Variants in TLL1 observed in about 807,000 individuals in gnomAD.
TLL1 encodes the protein tolloid-like protein 1.
In TLL1, 49 loss-of-function variants were observed where a neutral mutation model predicts 128.2. That is an observed-to-expected ratio of 0.38 (90% CI 0.30 to 0.48). The LOEUF (loss-of-function observed/expected upper bound fraction) is 0.48, where lower values mean the gene tolerates loss of function less well. Ranked by LOEUF, TLL1 falls within the 20% of genes least tolerant of loss-of-function variation. The pLI is 0.96. For missense variants in TLL1, 1,123 were observed against 1,242.0 expected (o/e 0.90, Z 1.44); for synonymous variants, 454 against 418.8 (o/e 1.08, Z -1.03).
chr4:166,036,924 T>G (rs951172785), intron 9 of TLL1, among the ~76,000 whole-genome samples: 6 of 152,032 alleles, frequency 3.9e-5, no homozygotes, highest in Non-Finnish European at 8.8e-5. Flanking sequence ...TAATTTAGCT[T>G]TATTTTTTTT....
At chr4:166,097,121 T>C (rs970726982) in intron 19 of TLL1, among the ~76,000 whole-genome samples, 15 of 152,068 alleles carry the variant, frequency 9.9e-5, no homozygotes, top group African/African-American at 3.6e-4. Flanking sequence ...TGATTCCCTT[T>C]TTAGAAAAGA....
At chr4:165,970,861 C>T (rs545584949) in intron 1 of TLL1, among the ~76,000 whole-genome samples, 5 of 152,194 alleles carry the variant, frequency 3.3e-5, no homozygotes, top group African/African-American at 9.6e-5. Flanking sequence ...TGAGTCTTGT[C>T]CCAGGTTTGA....
intron 12 of TLL1, among the ~76,000 whole-genome samples, chr4:166,053,701 T>C (rs185586389): frequency 5.3e-5 from 8 of 152,310 alleles, no homozygotes; most frequent in East Asian, 3.9e-4. Context: ...TGCAGTTCCA[T>C]GGACATTCCC....
chr4:166,024,696 G>T (rs1488866358), intron 8 of TLL1, among the ~76,000 whole-genome samples: 4 of 151,824 alleles, frequency 2.6e-5, no homozygotes, highest in Non-Finnish European at 5.9e-5. Context: ...TACACAAATT[G>T]CTTTTTTAGC....
chr4:165,995,602 A>G (rs1736840623), intron 5 of TLL1, among the ~76,000 whole-genome samples: 1 of 152,214 alleles, frequency 6.6e-6, no homozygotes, highest in African/African-American at 2.4e-5. Flanking sequence ...TGGTCTGTTT[A>G]TACATCATTA....
Position 166,055,072 on chromosome 4 carries a change from G to T in TLL1, c.1525-4G>T. On this transcript the variant is annotated splice_polypyrimidine_tract_variant and splice_region_variant and intron_variant, in intron 12 of 20. Coordinates refer to ENST00000061240, the MANE Select transcript of TLL1 (RefSeq NM_012464.5). ...ATATTTTCACATATTTTTTTCTGTT[G>T]CAGATTGAAAGACATGACAATTGTG... 1 of 1,605,642 alleles carries T rather than the reference G, an allele frequency of 6.2e-7. No individual in the cohort carries two copies. Among genetic ancestry groups the T allele is most frequent in the South Asian group, 1.1e-5 (1 of 89,204 alleles).
chr4:165,914,216 T>C (rs1732676092), intron 1 of TLL1, among the ~76,000 whole-genome samples: 1 of 152,164 alleles, frequency 6.6e-6, no homozygotes, highest in African/African-American at 2.4e-5. Flanking sequence ...GTGAAAAATA[T>C]TCTTATGGTT....
At chr4:165,963,340 A>G (rs916714507) in intron 1 of TLL1, among the ~76,000 whole-genome samples, 1 of 152,126 alleles carries the variant, frequency 6.6e-6, no homozygotes, top group Non-Finnish European at 1.5e-5. Context: ...AGTTGAACAA[A>G]AAAAGAAAAG....
intron 1 of TLL1, among the ~76,000 whole-genome samples, chr4:165,911,907 G>C (rs181333828): frequency 2.0e-5 from 3 of 152,100 alleles, no homozygotes; most frequent in Admixed American, 2.0e-4. Context: ...ACAGAGTCTC[G>C]CTCTGTCGCC....
At chr4:165,954,113 TG>T (rs1256860046) in intron 1 of TLL1, among the ~76,000 whole-genome samples, 4 of 152,280 alleles carry the variant, frequency 2.6e-5, no homozygotes, top group African/African-American at 9.6e-5. Flanking sequence ...AAATAATGGC[TG>T]GCTTCATTCA....
chr4:165,884,895 T>C (rs537222849), intron 1 of TLL1, among the ~76,000 whole-genome samples: 39 of 152,260 alleles, frequency 2.6e-4, no homozygotes, highest in African/African-American at 8.7e-4. Flanking sequence ...GTTTCTTGTT[T>C]TCTCCCACAT....
chr4:165,956,225 C>T (rs1847275), intron 1 of TLL1, among the ~76,000 whole-genome samples: 88,593 of 151,810 alleles, frequency 0.58, 27,617 homozygotes, highest in Admixed American at 0.71. Context: ...CACGTATTGT[C>T]TTGATAAACA....
intron 1 of TLL1, among the ~76,000 whole-genome samples, chr4:165,955,394 C>T (rs1173936607): frequency 6.6e-6 from 1 of 151,926 alleles, no homozygotes; most frequent in Non-Finnish European, 1.5e-5. Flanking sequence ...GAAAATTTCC[C>T]TAGTCTCACT....
At chr4:165,892,875 T>G (rs922322124) in intron 1 of TLL1, among the ~76,000 whole-genome samples, 1 of 152,204 alleles carries the variant, frequency 6.6e-6, no homozygotes, top group African/African-American at 2.4e-5. Context: ...GTTACAGAGT[T>G]TTTTTTCTGT....
intron 1 of TLL1, among the ~76,000 whole-genome samples, chr4:165,982,547 C>G (rs1051346014): frequency 6.7e-6 from 1 of 148,314 alleles, no homozygotes; most frequent in Admixed American, 6.6e-5. Context: ...GAAAGGACTC[C>G]GGACTTTGAT....
chr4:166,047,784 T>C (rs866708273), intron 12 of TLL1, among the ~76,000 whole-genome samples: 17 of 152,278 alleles, frequency 1.1e-4, no homozygotes, highest in Middle Eastern at 6.8e-3. Context: ...CCTCTGTAAT[T>C]ATACCATTTG....
At chr4:165,922,049 A>G (rs959235473) in intron 1 of TLL1, among the ~76,000 whole-genome samples, 8 of 152,276 alleles carry the variant, frequency 5.3e-5, no homozygotes, top group Non-Finnish European at 1.0e-4. Flanking sequence ...AACTGATTTT[A>G]CCAGGATTGC....
chr4:166,003,714 CATG>C (rs1324210827), intron 6 of TLL1, 145 bp downstream of exon 6: 1 of 832,360 alleles, frequency 1.2e-6, no homozygotes. Context: ...AAAAATCACC[CATG>C]ATGATTTTAT....
At chr4:165,893,350 T>C (rs895585758) in intron 1 of TLL1, among the ~76,000 whole-genome samples, 7 of 152,258 alleles carry the variant, frequency 4.6e-5, no homozygotes, top group East Asian at 1.9e-4. Flanking sequence ...TGCTGGGAGA[T>C]GGAAAAGAAA....
Sources: allele counts gnomAD v4.1 joint callset (sites outside exome capture counted in the v4.1 genomes callset), GRCh38; gene constraint gnomAD v4.1.1; transcripts MANE v1.5; gene names NCBI Gene and HGNC (gene_info 2026-07-23, HGNC 2026-07-21).